GRIA1: variants seen among roughly 807,000 people sequenced by gnomAD.
The protein encoded by GRIA1 is glutamate ionotropic receptor AMPA type subunit 1.
Under a neutral mutation model 99.2 loss-of-function variants are expected in GRIA1, and 31 were observed. The observed-to-expected ratio is 0.31, with a 90% CI of 0.23 to 0.42. The LOEUF is 0.42. Ranked by LOEUF, GRIA1 falls within the 10% of genes least tolerant of loss-of-function variation. The pLI is 1.00. For synonymous variants in GRIA1, 438 were observed against 432.4 expected, an observed-to-expected ratio of 1.01 and a Z score of -0.16; for missense variants, 782 against 1,157.5, an observed-to-expected ratio of 0.68 and a Z score of 4.71.
rs572571779 is a variant in GRIA1 at position 153,669,723 on chromosome 5, T to A, written c.700-4777T>A. Among the ~76,000 whole-genome samples, 326 of 152,354 alleles carry A rather than the reference T, an allele frequency of 2.1e-3. 2 individuals carry two copies. The highest frequency in any genetic ancestry group is 7.2e-3 in the South Asian group (35 of 4,830). Reference sequence around the variant, plus strand: ...ATTCTATACTTCATAGAAGTAACTATTTTAAACCCTTTTCCTGCATTTGGT... The same window carrying A: ...ATTCTATACTTCATAGAAGTAACTAATTTAAACCCTTTTCCTGCATTTGGT... On this transcript the variant is annotated intron_variant, in intron 5 of 15. Coordinates refer to ENST00000285900, the MANE Select transcript of GRIA1 (RefSeq NM_000827.4).
At chr5:153,797,401 G>A (rs531978123) in intron 14 of GRIA1, among the ~76,000 whole-genome samples, 1 of 152,310 alleles carries the variant, frequency 6.6e-6, no homozygotes, top group Non-Finnish European at 1.5e-5. Context: ...CACTGCCCTA[G>A]AGGAAGGGAC....
At chr5:153,701,104 A>G (rs1758486182) in intron 10 of GRIA1, among the ~76,000 whole-genome samples, 1 of 152,182 alleles carries the variant, frequency 6.6e-6, no homozygotes, top group Admixed American at 6.5e-5. Context: ...CTTCTCTAGC[A>G]TTTATCTTCA....
intron 2 of GRIA1, among the ~76,000 whole-genome samples, chr5:153,639,062 T>A (rs1205112484): frequency 6.6e-6 from 1 of 152,196 alleles, no homozygotes; most frequent in Admixed American, 6.5e-5. Flanking sequence ...TCACTGAGCA[T>A]CCCATGTCTG....
intron 11 of GRIA1, among the ~76,000 whole-genome samples, chr5:153,740,962 T>C (rs865849322): frequency 1.4e-5 from 2 of 140,880 alleles, no homozygotes. Flanking sequence ...TGTGAAGAAA[T>C]TGGCTTTTTT....
intron 2 of GRIA1, among the ~76,000 whole-genome samples, chr5:153,610,714 A>G (rs1765906535): frequency 6.6e-6 from 1 of 152,232 alleles, no homozygotes; most frequent in African/African-American, 2.4e-5. Flanking sequence ...CCCCATTTAT[A>G]AAATGGAAGT....
chr5:153,632,252 G>A (rs1490757973), intron 2 of GRIA1, among the ~76,000 whole-genome samples: 1 of 152,180 alleles, frequency 6.6e-6, no homozygotes, highest in African/African-American at 2.4e-5. Flanking sequence ...GGTGAGCAGT[G>A]GCAGAGCCCT....
chr5:153,632,664 T>C (rs941951451), intron 2 of GRIA1, among the ~76,000 whole-genome samples: 7 of 152,226 alleles, frequency 4.6e-5, no homozygotes, highest in African/African-American at 1.7e-4. Flanking sequence ...ACTATGGTCC[T>C]CACGTCACAG....
intron 13 of GRIA1, among the ~76,000 whole-genome samples, chr5:153,790,527 C>T (rs867457072): frequency 1.1e-4 from 17 of 152,080 alleles, no homozygotes; most frequent in Admixed American, 3.3e-4. Flanking sequence ...TTCCAAACAC[C>T]AGTCTGTGGA....
At chr5:153,675,386 ACT>A (rs746013645) in intron 6 of GRIA1, among the ~76,000 whole-genome samples, 12 of 152,114 alleles carry the variant, frequency 7.9e-5, no homozygotes, top group Non-Finnish European at 1.5e-4. Context: ...AATCAGGCAG[ACT>A]CTCTGCTTCT....
rs114357348 is a variant in GRIA1, at chr5:153,712,973, G to A, written c.1823+6906G>A. Among the ~76,000 whole-genome samples, 482 of 152,288 alleles carry A rather than the reference G, an allele frequency of 3.2e-3. 2 individuals carry two copies. Among genetic ancestry groups the A allele is most frequent in the African/African-American group, 0.011 (467 of 41,544 alleles). On this transcript the variant is annotated intron_variant, in intron 11 of 15. Coordinates refer to ENST00000285900, the MANE Select transcript of GRIA1 (RefSeq NM_000827.4). ...ACCCACTTCTGCCCCAGGGCTGATG[G>A]GATTAAAGTTTGGAAGTCATTGAAC...
At chr5:153,561,988 A>G (rs1435359670) in intron 2 of GRIA1, among the ~76,000 whole-genome samples, 1 of 152,230 alleles carries the variant, frequency 6.6e-6, no homozygotes, top group South Asian at 2.1e-4. Context: ...GATAACAACT[A>G]TGAATGGTGA....
intron 1 of GRIA1, 82 bp downstream of exon 1, chr5:153,491,052 C>G: frequency 2.3e-6 from 3 of 1,294,876 alleles, no homozygotes; most frequent in Non-Finnish European, 3.4e-6. Context: ...GTACCCCCTC[C>G]CCGGTACTGA....
intron 2 of GRIA1, among the ~76,000 whole-genome samples, chr5:153,554,584 C>T (rs1252093961): frequency 2.0e-5 from 3 of 152,176 alleles, no homozygotes; most frequent in Non-Finnish European, 4.4e-5. Flanking sequence ...ACCTCTGCCT[C>T]CCAGGTTCAA....
intron 7 of GRIA1, among the ~76,000 whole-genome samples, chr5:153,685,434 T>C (rs13169333): frequency 0.26 from 39,527 of 152,206 alleles, 5,545 homozygotes; most frequent in East Asian, 0.42. Context: ...AGAAGTCTCA[T>C]GCGGCATATT....
intron 4 of GRIA1, among the ~76,000 whole-genome samples, chr5:153,653,712 TAACTC>T (rs1422222032): frequency 2.0e-5 from 3 of 152,182 alleles, no homozygotes; most frequent in African/African-American, 7.2e-5. Context: ...ACTAAAATGT[TAACTC>T]AACTCAATGA....
At chr5:153,754,849 C>T (rs1162757645) in intron 11 of GRIA1, among the ~76,000 whole-genome samples, 1 of 152,158 alleles carries the variant, frequency 6.6e-6, no homozygotes, top group Non-Finnish European at 1.5e-5. Context: ...CTAAAAGATT[C>T]CTTTGCTTTC....
intron 14 of GRIA1, chr5:153,795,483 G>T: frequency 6.3e-7 from 1 of 1,593,028 alleles, no homozygotes; most frequent in Non-Finnish European, 8.6e-7. Flanking sequence ...AAGAGGTCCC[G>T]TAAACCTAGC....
intron 11 of GRIA1, among the ~76,000 whole-genome samples, chr5:153,717,955 G>A (rs554756798): frequency 2.0e-5 from 3 of 152,076 alleles, no homozygotes; most frequent in African/African-American, 4.8e-5. Flanking sequence ...TCTCTTTCAC[G>A]TCTCATTTTG....
intron 2 of GRIA1, among the ~76,000 whole-genome samples, chr5:153,645,135 C>A (rs917418209): frequency 1.3e-5 from 2 of 152,156 alleles, no homozygotes; most frequent in Non-Finnish European, 2.9e-5. Flanking sequence ...TGTCCTAAAG[C>A]TCAAGGCCAT....
Sources: allele counts gnomAD v4.1 joint callset (sites outside exome capture counted in the v4.1 genomes callset), GRCh38; gene constraint gnomAD v4.1.1; transcripts MANE v1.5; gene names NCBI Gene and HGNC (gene_info 2026-07-23, HGNC 2026-07-21).